FER1L5: variants seen among roughly 807,000 people sequenced by gnomAD.
FER1L5 encodes fer-1-like protein 5.
Under a neutral mutation model 279.9 loss-of-function variants are expected in FER1L5, and 187 were observed. The ratio of observed to expected loss-of-function variants is 0.67; its 90% CI spans 0.59 to 0.75. The LOEUF (loss-of-function observed/expected upper bound fraction) is 0.75. Among genes scored for constraint, FER1L5 ranks in the 30% least tolerant of loss-of-function variants. The probability of loss-of-function intolerance (pLI) is 0.00; values close to 1 mark genes in which losing one functional copy is unlikely to be tolerated. For missense variants in FER1L5, 2,091 were observed against 2,594.4 expected, an observed-to-expected ratio of 0.81 and a Z score of 4.21; for synonymous variants, 921 against 989.7, an observed-to-expected ratio of 0.93 and a Z score of 1.30.
intron 20 of FER1L5, among the ~76,000 whole-genome samples, 157 bp from the exon 21 acceptor site, chr2:96,685,172 C>T (rs1049751085): frequency 6.6e-6 from 1 of 152,112 alleles, no homozygotes; most frequent in African/African-American, 2.4e-5. Context: ...TTCCTAGCCT[C>T]GGAGTTGTGG....
At chr2:96,679,239 T>C (rs1469261257) in intron 19 of FER1L5, among the ~76,000 whole-genome samples, 1 of 152,000 alleles carries the variant, frequency 6.6e-6, no homozygotes, top group African/African-American at 2.4e-5. Context: ...TTTTTTTTTT[T>C]TTTGAGATGG....
At position 96,661,527 on chromosome 2, in the gene FER1L5, C is replaced by A. The variant is rs867301859; in HGVS notation, c.894+87C>A. 1.3e-5 allele frequency: 19 copies of A among 1,504,602 alleles called. 3 individuals are homozygous for A. The Middle Eastern group carries it at 3.3e-3, about 257-fold the overall frequency. 93.2% of individuals were successfully genotyped at this position (1,504,602 alleles called of 1,614,324 possible). On this transcript the variant is annotated intron_variant, in intron 11 of 52. Coordinates refer to ENST00000624922, the MANE Select transcript of FER1L5 (RefSeq NM_001293083.2). ...GCCTCACCCTGGATATTGACCATCACATCTCTCCTTTGTCCGCTGCGTCAC... is the reference window on the plus strand; with the variant it reads ...GCCTCACCCTGGATATTGACCATCAAATCTCTCCTTTGTCCGCTGCGTCAC...
At position 96,647,051 on chromosome 2, in the gene FER1L5, A is replaced by G. The variant is rs1475255695; in HGVS notation, c.139-13A>G. ...GCAGAGGGAGGATGCTGACCTCTCT[A>G]TGCCCCCCACAGACCCTAATCTGGC... On this transcript the variant is annotated splice_polypyrimidine_tract_variant and intron_variant, in intron 2 of 52. Transcript: ENST00000624922. 3.9e-5 allele frequency: 60 copies of G among 1,550,924 alleles called. 1 individual carries two copies. The South Asian group carries it at 4.3e-4, about 11-fold the overall frequency.
intron 36 of FER1L5, 36 bp downstream of exon 36, chr2:96,695,940 A>G (rs370120109): frequency 6.2e-7 from 1 of 1,610,000 alleles, no homozygotes; most frequent in African/African-American, 1.3e-5. Flanking sequence ...CCCAGGCCTC[A>G]CAAGCGAGCC....
Position 96,647,162 on chromosome 2 carries a change from C to T in FER1L5, c.230+7C>T, listed in dbSNP as rs945596667. ...GCTCACAAAAGAAAGAAAGGTGAGG[C>T]AGAGAGAGGCAGGAGGAGCCTAGCT... On this transcript the variant is annotated splice_region_variant and intron_variant, in intron 3 of 52. Transcript: ENST00000624922. 3.2e-5 allele frequency: 49 copies of T among 1,551,480 alleles called. No individual in the cohort carries two copies. The highest frequency in any genetic ancestry group is 4.2e-5 in the Non-Finnish European group (48 of 1,146,886).
At position 96,691,824 on chromosome 2, in the gene FER1L5, G is replaced by A. The variant is rs1376572088; in HGVS notation, c.3076-1G>A. 2 of 1,551,566 alleles carry A rather than the reference G, an allele frequency of 1.3e-6. No individual in the cohort carries two copies. Among genetic ancestry groups the A allele is most frequent in the Admixed American group, 3.9e-5 (2 of 50,988 alleles). On this transcript the variant is annotated splice_acceptor_variant, in intron 29 of 52. Coordinates refer to ENST00000624922, the MANE Select transcript of FER1L5 (RefSeq NM_001293083.2). LOFTEE classifies it high-confidence loss of function. This position sits in a 1 kb window ranked among gnomAD's most constrained non-coding sequence, Gnocchi z 6.0. ...CTCAGGGGAGACTGTCCTGGGTACA[G>A]GCTATGGATCTGAAATACCACGCTG...
intron 19 of FER1L5, among the ~76,000 whole-genome samples, chr2:96,679,709 G>C (rs535786883): frequency 6.6e-6 from 1 of 152,178 alleles, no homozygotes; most frequent in South Asian, 2.1e-4. Context: ...TACATCAGAG[G>C]CTCCATTTAT....
intron 14 of FER1L5, among the ~76,000 whole-genome samples, chr2:96,666,157 G>A (rs2076119221): frequency 6.6e-6 from 1 of 150,640 alleles, no homozygotes; most frequent in African/African-American, 2.5e-5. Context: ...TGGTCAGAAG[G>A]GGAGCAGAGC....
At position 96,691,289 on chromosome 2, in the gene FER1L5, G is replaced by T. The variant is rs914070209; in HGVS notation, c.2843G>T (p.Arg948Leu). Residue 948 changes from arginine to leucine, a missense_variant, in exon 28 of 53, where the codon CGT (arginine) becomes CTT (leucine). Arg to Leu is a moderately radical substitution (Grantham distance 102). Transcript: ENST00000624922. This position sits in a 1 kb window ranked among gnomAD's most constrained non-coding sequence, Gnocchi z 6.0. The stretch of plus-strand genomic sequence containing the variant: ...TCGTGCCGCCGCCGGCGCTGGGCGC[G>T]TGTGCGCTTCAGGAACCATGGGGAG... ...YHSCRRRRWA[R>L]VRFRNHGELS... is the part of the protein sequence containing the mutation. The T allele has an allele frequency of 6.4e-7, 1 of 1,550,590 alleles. No homozygotes were observed. Among genetic ancestry groups the T allele is most frequent in the Non-Finnish European group, 8.7e-7 (1 of 1,146,880 alleles).
chr2:96,702,466 A>G lies in FER1L5; in HGVS notation c.5255+65A>G. The G allele has an allele frequency of 6.4e-7, 1 of 1,562,672 alleles. No homozygotes were observed. The highest frequency in any genetic ancestry group is 8.7e-7 in the Non-Finnish European group (1 of 1,154,088). On this transcript the variant is annotated intron_variant, in intron 47 of 52. Transcript: ENST00000624922. This position sits in a 1 kb window ranked among gnomAD's most constrained non-coding sequence, Gnocchi z 4.0. ...TCCCCAGTTCTGTCATCCTGCTGGC[A>G]CGGCCCAGTCCTGAATGGGACACCT... is the stretch of plus-strand genomic sequence containing the variant.
intron 19 of FER1L5, among the ~76,000 whole-genome samples, chr2:96,683,504 A>AC (rs1339904393): frequency 9.5e-6 from 1 of 104,748 alleles, no homozygotes; most frequent in African/African-American, 3.5e-5. Flanking sequence ...CAAAGCCCCC[A>AC]CCCCCCGCCC....
intron 37 of FER1L5, 91 bp from the exon 38 acceptor site, chr2:96,697,435 G>A: frequency 1.4e-6 from 2 of 1,418,896 alleles, no homozygotes; most frequent in South Asian, 2.5e-5. Flanking sequence ...AGGGCACCAG[G>A]GAAGCTCTGG....
intron 14 of FER1L5, among the ~76,000 whole-genome samples, chr2:96,664,985 C>G (rs2076078681): frequency 6.6e-6 from 1 of 152,180 alleles, no homozygotes. Flanking sequence ...CTAAATGGCT[C>G]TGAGATGCTT....
chr2:96,703,147 G>A lies in FER1L5; in HGVS notation c.5498-6G>A. 1.9e-6 allele frequency: 3 copies of A among 1,612,704 alleles called. No individual in the cohort carries two copies. Among genetic ancestry groups the A allele is most frequent in the Non-Finnish European group, 2.5e-6 (3 of 1,178,948 alleles). On this transcript the variant is annotated splice_region_variant and splice_polypyrimidine_tract_variant and intron_variant, in intron 49 of 52. Coordinates refer to ENST00000624922, the MANE Select transcript of FER1L5 (RefSeq NM_001293083.2). ...CTTCTTGCTGATGTCATTTTTCTGG[G>A]CTCAGGGGTCCTGGAGCTGGATTTG...
At chr2:96,667,768 C>A (rs557237656) in intron 14 of FER1L5, among the ~76,000 whole-genome samples, 1 of 152,238 alleles carries the variant, frequency 6.6e-6, no homozygotes, top group Non-Finnish European at 1.5e-5. Flanking sequence ...TGCATTCAGA[C>A]TGCGAGGGGC....
Position 96,668,913 on chromosome 2 carries a change from T to G in FER1L5, c.1212T>G (p.Ile404Met), listed in dbSNP as rs750920942. 1 of 1,551,616 alleles carries G rather than the reference T, an allele frequency of 6.4e-7. No individual in the cohort carries two copies. The highest frequency in any genetic ancestry group is 1.2e-5 in the South Asian group (1 of 84,060). The change falls in exon 16 of 53, where the codon ATT becomes ATG. Residue 404 changes from isoleucine to methionine, a missense_variant. By Grantham distance (10) the Ile-to-Met change is conservative (BLOSUM62 1). Transcript: ENST00000624922. ...GCAAGAAGGACTGCCCGGATGAGATTGGGACTGCCAGCCTGTCCCTCAACC... is the reference window on the plus strand; with the variant it reads ...GCAAGAAGGACTGCCCGGATGAGATGGGGACTGCCAGCCTGTCCCTCAACC... ...DCRKKDCPDE[I>M]GTASLSLNQI...
At chr2:96,674,315 C>T (rs914217256) in intron 19 of FER1L5, among the ~76,000 whole-genome samples, 10 of 152,122 alleles carry the variant, frequency 6.6e-5, no homozygotes, top group African/African-American at 1.7e-4. Context: ...CTCCGCCTCC[C>T]GGGTTCAAGC....
At chr2:96,684,245 G>C in intron 19 of FER1L5, 82 bp from the exon 20 acceptor site, 4 of 1,495,666 alleles carry the variant, frequency 2.7e-6, no homozygotes. Flanking sequence ...GGTCCAGAGA[G>C]GTCCTCGGAG....
chr2:96,658,020 CT>C (rs869186919), intron 9 of FER1L5, among the ~76,000 whole-genome samples: 593 of 141,666 alleles, frequency 4.2e-3, no homozygotes, highest in Middle Eastern at 0.015. Context: ...GTTTAACTTT[CT>C]TTTTTTTTTT....
Sources: gnomAD v4.1 joint callset for allele counts (sites outside exome capture counted in the v4.1 genomes callset) on GRCh38, gnomAD v4.1.1 for gene constraint, Gnocchi (gnomAD v3.1) non-coding constraint, MANE v1.5 for transcripts, NCBI Gene and HGNC (gene_info 2026-07-23, HGNC 2026-07-21) for gene names.